CMKLR2: variants seen among roughly 807,000 people sequenced by gnomAD.
CMKLR2 encodes chemerin-like receptor 2.
In CMKLR2, 18 loss-of-function variants were observed where a neutral mutation model predicts 23.0. That is an observed-to-expected ratio of 0.78 (90% CI 0.54 to 1.16). CMKLR2 has a LOEUF of 1.16. CMKLR2 is among the 50% of genes most tolerant of loss of function. The pLI is 0.00. For synonymous variants in CMKLR2, 158 were observed against 158.9 expected (o/e 0.99, Z 0.05); for missense variants, 401 against 412.7 (o/e 0.97, Z 0.25).
intron 1 of CMKLR2, among the ~76,000 whole-genome samples, chr2:206,212,325 TATG>T (rs973517995): frequency 1.3e-5 from 2 of 150,422 alleles, no homozygotes; most frequent in Non-Finnish European, 3.0e-5. Context: ...GATGTACAAA[TATG>T]ATGAGAATTA....
chr2:206,197,988 G>C (rs1688972791), intron 1 of CMKLR2, among the ~76,000 whole-genome samples: 1 of 152,184 alleles, frequency 6.6e-6, no homozygotes, highest in Admixed American at 6.5e-5. Flanking sequence ...AGGGATTCCA[G>C]CCAGTGGAAT....
chr2:206,207,728 C>CTTTTTTTTTTTTTG (rs1689383665), intron 1 of CMKLR2, among the ~76,000 whole-genome samples: 1 of 43,582 alleles, frequency 2.3e-5, no homozygotes, highest in South Asian at 1.5e-3. Context: ...ACCTCAGGGC[C>CTTTTTTTTTTTTTG]TTTTTTTTTT....
At chr2:206,207,171 C>T (rs779977156) in intron 1 of CMKLR2, among the ~76,000 whole-genome samples, 5 of 123,018 alleles carry the variant, frequency 4.1e-5, no homozygotes, top group African/African-American at 1.6e-4. Flanking sequence ...TTTTTTGAGA[C>T]AGAGTCTCTT....
At chr2:206,198,975 G>A (rs578039079) in intron 1 of CMKLR2, among the ~76,000 whole-genome samples, 32 of 152,326 alleles carry the variant, frequency 2.1e-4, no homozygotes, top group Non-Finnish European at 4.0e-4. Context: ...TAGAATTTTA[G>A]AAGAAATAGA....
At chr2:206,199,827 C>T (rs1418472115) in intron 1 of CMKLR2, among the ~76,000 whole-genome samples, 1 of 152,012 alleles carries the variant, frequency 6.6e-6, no homozygotes, top group Non-Finnish European at 1.5e-5. Context: ...GGTGATCCAC[C>T]TGCCTCGCCC....
chr2:206,183,263 CCAAA>C (rs1475581471), intron 1 of CMKLR2, among the ~76,000 whole-genome samples: 3 of 152,164 alleles, frequency 2.0e-5, no homozygotes, highest in Admixed American at 6.5e-5. Flanking sequence ...ATCTCATTCC[CCAAA>C]CAAAGAAAAG....
At chr2:206,215,095 C>G (rs1167190712), upstream of CMKLR2, among the ~76,000 whole-genome samples, 1 of 152,038 alleles carries the variant, frequency 6.6e-6, no homozygotes, top group Non-Finnish European at 1.5e-5. Context: ...CGGTGGAGGT[C>G]GGGGGTAGGG....
rs770060810 is a variant in CMKLR2 at position 206,177,074 on chromosome 2, G to C, written c.174C>G (p.Ile58Met). Reference sequence around the variant, plus strand: ...ACTTGAACCCCGTGAACCAAATGACGATGGCATTTCCTGGAATTCCCAGAA... The same window carrying C: ...ACTTGAACCCCGTGAACCAAATGACCATGGCATTTCCTGGAATTCCCAGAA... ...AFVLGIPGNA[I>M]VIWFTGFKWK... is the part of the protein sequence containing the mutation. The change falls in exon 2 of 2, where the codon ATC (isoleucine) becomes ATG (methionine). Residue 58 changes from isoleucine to methionine, a missense_variant. Physicochemically the swap from Ile to Met is conservative, Grantham distance 10. Transcript: ENST00000621141. 1 of 1,614,178 alleles carries C rather than the reference G, an allele frequency of 6.2e-7. No homozygotes were observed. Among genetic ancestry groups the C allele is most frequent in the South Asian group, 1.1e-5 (1 of 91,086 alleles).
rs570892879 is a variant in CMKLR2, at chr2:206,175,406, G to A, written c.*774C>T. Reference sequence around the variant, plus strand: ...AGTACACATGTTGCATTTTAAAAATGTGTCTAGCAGGTTATTGTACAAAAT... The same window carrying A: ...AGTACACATGTTGCATTTTAAAAATATGTCTAGCAGGTTATTGTACAAAAT... On this transcript the variant is annotated 3_prime_UTR_variant, in exon 2 of 2. Coordinates refer to ENST00000621141, the MANE Select transcript of CMKLR2 (RefSeq NM_001389445.1). The A allele has an allele frequency of 2.6e-5, 4 of 152,316 alleles. No individual in the cohort carries two copies. The highest frequency in any genetic ancestry group is 5.9e-5 in the Non-Finnish European group (4 of 68,030). The allele number at this position is 152,316 out of a possible 1,614,324, so 9.4% of individuals were successfully genotyped here.
At chr2:206,209,277 G>T (rs1046327240) in intron 1 of CMKLR2, among the ~76,000 whole-genome samples, 2 of 151,808 alleles carry the variant, frequency 1.3e-5, no homozygotes, top group Admixed American at 6.6e-5. Context: ...GGTAGAGGTT[G>T]CAGTGAGCTG....
chr2:206,217,907 T>TTC (rs1440762778), upstream of CMKLR2: 9 of 152,176 alleles, frequency 5.9e-5, no homozygotes. Context: ...GTTTAATGAT[T>TTC]TCTCTGGGAG....
chr2:206,201,488 A>G (rs1240787919), intron 1 of CMKLR2, among the ~76,000 whole-genome samples: 1 of 152,186 alleles, frequency 6.6e-6, no homozygotes, highest in Non-Finnish European at 1.5e-5. Flanking sequence ...GGGGTCCCAC[A>G]CAACCACTTT....
rs2105797000 is a variant in CMKLR2 at position 206,176,968 on chromosome 2, T to C, written c.280A>G (p.Ile94Val). Residue 94 changes from isoleucine (I) to valine (V), a missense_variant, in exon 2 of 2, where the codon ATC (isoleucine) becomes GTC (valine). Coordinates refer to ENST00000621141, the MANE Select transcript of CMKLR2 (RefSeq NM_001389445.1). ...FIFLLFLPLY[I>V]SYVAMNFHWP... Reference sequence around the variant, plus strand: ...TGGAAATTCATGGCCACATAGGAGATGTACAGGGGCAGAAAGAGAAGAAAA... The same window carrying C: ...TGGAAATTCATGGCCACATAGGAGACGTACAGGGGCAGAAAGAGAAGAAAA... The C allele has an allele frequency of 6.2e-7, 1 of 1,614,164 alleles. No individual in the cohort carries two copies. The highest frequency in any genetic ancestry group is 8.5e-7 in the Non-Finnish European group (1 of 1,180,048).
intron 1 of CMKLR2, among the ~76,000 whole-genome samples, chr2:206,183,403 G>A (rs756675648): frequency 7.2e-5 from 11 of 152,128 alleles, no homozygotes; most frequent in South Asian, 2.1e-4. Flanking sequence ...GAAGGCAACC[G>A]TCTTCTTCCG....
At chr2:206,198,433 T>C (rs1417703832) in intron 1 of CMKLR2, among the ~76,000 whole-genome samples, 1 of 152,176 alleles carries the variant, frequency 6.6e-6, no homozygotes, top group Non-Finnish European at 1.5e-5. Context: ...TTCTAAACTT[T>C]TATGATTCTG....
In CMKLR2 at chr2:206,176,835, T is replaced by C. The variant is rs750031706; in HGVS notation, c.413A>G (p.His138Arg). 6.9e-5 allele frequency: 112 copies of C among 1,613,880 alleles called. No homozygotes were observed. Among genetic ancestry groups the C allele is most frequent in the Middle Eastern group, 4.9e-4 (3 of 6,084 alleles). The change falls in exon 2 of 2, where the codon CAC (histidine) becomes CGC (arginine). Residue 138 changes from histidine (H) to arginine (R), a missense_variant. His to Arg is a conservative substitution (Grantham distance 29). Transcript: ENST00000621141. Reference sequence around the variant, plus strand: ...ATGAGATAAGACAGGATGGATCAAGTGGATATAGTGGTCCAGGCTGATCAC... The same window carrying C: ...ATGAGATAAGACAGGATGGATCAAGCGGATATAGTGGTCCAGGCTGATCAC... The part of the protein sequence containing the change: ...LTVISLDHYI[H>R]LIHPVLSHRH...
At chr2:206,180,897 G>A in intron 1 of CMKLR2, among the ~76,000 whole-genome samples, 2 of 151,214 alleles carry the variant, frequency 1.3e-5, no homozygotes. Context: ...TGGGATTACA[G>A]GTGTCTGTCA....
upstream of CMKLR2, among the ~76,000 whole-genome samples, chr2:206,216,344 A>C (rs751792727): frequency 1.3e-5 from 2 of 152,192 alleles, no homozygotes; most frequent in Non-Finnish European, 2.9e-5. Flanking sequence ...GTCCCCAGCT[A>C]CTTGGGAGGC....
chr2:206,184,972 G>C (rs572103055), intron 1 of CMKLR2, among the ~76,000 whole-genome samples: 1 of 152,204 alleles, frequency 6.6e-6, no homozygotes, highest in East Asian at 1.9e-4. Context: ...GGAATAGAAG[G>C]TGGTTTTTAA....
Sources: allele counts gnomAD v4.1 joint callset (sites outside exome capture counted in the v4.1 genomes callset), GRCh38; gene constraint gnomAD v4.1.1; transcripts MANE v1.5; gene names NCBI Gene and HGNC (gene_info 2026-07-23, HGNC 2026-07-21).